PSMD9: variants seen among roughly 807,000 people sequenced by gnomAD.
PSMD9 encodes 26S proteasome non-ATPase regulatory subunit 9.
In PSMD9, 26 loss-of-function variants were observed where a neutral mutation model predicts 25.9. That is an observed-to-expected ratio of 1.00 (90% CI 0.73 to 1.39). The LOEUF is 1.39. Among genes scored for constraint, PSMD9 ranks in the 40% most tolerant of loss-of-function variants. PSMD9 has a pLI of 0.00. For synonymous variants in PSMD9, 110 were observed against 114.5 expected, an observed-to-expected ratio of 0.96 and a Z score of 0.25; for missense variants, 303 against 299.3, an observed-to-expected ratio of 1.01 and a Z score of -0.09.
chr12:121,904,070 T>G (rs1879479324), intron 4 of PSMD9, among the ~76,000 whole-genome samples: 2 of 152,090 alleles, frequency 1.3e-5, no homozygotes, highest in Admixed American at 1.3e-4. Context: ...AACCCATCAG[T>G]GCAGGCCAGG....
At chr12:121,905,371 G>GT (rs1291913344) in intron 4 of PSMD9, among the ~76,000 whole-genome samples, 1 of 150,058 alleles carries the variant, frequency 6.7e-6, no homozygotes, top group African/African-American at 2.5e-5. Context: ...CTACAGGCAT[G>GT]TGCCACCATG....
At chr12:121,901,820 C>T (rs1273222058) in intron 3 of PSMD9, among the ~76,000 whole-genome samples, 3 of 151,948 alleles carry the variant, frequency 2.0e-5, no homozygotes, top group Admixed American at 6.6e-5. Context: ...GGACTACAGG[C>T]GCCTGCCATC....
At chr12:121,915,408 A>C (rs1879867037) in intron 4 of PSMD9, 1 of 154,450 alleles carries the variant, frequency 6.5e-6, no homozygotes, top group Non-Finnish European at 1.4e-5. Context: ...AAAACCCTTC[A>C]TTCTCTGTAC....
chr12:121,889,510 A>G (rs545321559), intron 1 of PSMD9, among the ~76,000 whole-genome samples: 4 of 152,068 alleles, frequency 2.6e-5, no homozygotes, highest in African/African-American at 9.6e-5. Flanking sequence ...GAGCTACTGC[A>G]CCCGGCATTT....
intron 4 of PSMD9, among the ~76,000 whole-genome samples, chr12:121,906,177 ATCTTT>A (rs1190459488): frequency 6.6e-6 from 1 of 151,904 alleles, no homozygotes; most frequent in Non-Finnish European, 1.5e-5. Context: ...AGCAAAATGA[ATCTTT>A]TCTTCATGTG....
chr12:121,905,299 C>T (rs1879521733), intron 4 of PSMD9, among the ~76,000 whole-genome samples: 1 of 147,274 alleles, frequency 6.8e-6, no homozygotes, highest in Non-Finnish European at 1.5e-5. Context: ...GGGGGGGCTA[C>T]TGCAAGCTCT....
intron 1 of PSMD9, among the ~76,000 whole-genome samples, chr12:121,892,649 C>A (rs1213614698): frequency 6.6e-6 from 1 of 151,772 alleles, no homozygotes; most frequent in Non-Finnish European, 1.5e-5. Context: ...TGCAGTGAGC[C>A]AAGATCTCGC....
rs577894350 is a variant in PSMD9, at chr12:121,904,402, G to A, written c.555+1295G>A. ...ATCCTGGCTAACACGGTGAAACCCC[G>A]TCTCTACTAAAAATACAAAAAATTA... On this transcript the variant is annotated intron_variant, in intron 4 of 5. Coordinates refer to ENST00000541212, the MANE Select transcript of PSMD9 (RefSeq NM_002813.7). Among the ~76,000 whole-genome samples the A allele has an allele frequency of 2.0e-3, 296 of 150,256 alleles. 3 individuals are homozygous for A. The highest frequency in any genetic ancestry group is 7.2e-3 in the African/African-American group (291 of 40,680).
intron 1 of PSMD9, among the ~76,000 whole-genome samples, chr12:121,891,015 G>A (rs1026308814): frequency 6.2e-5 from 9 of 145,874 alleles, no homozygotes; most frequent in African/African-American, 2.0e-4. Flanking sequence ...GGGAGGCCAA[G>A]GTGGGTGGAT....
At position 121,888,815 on chromosome 12, in the gene PSMD9, G is replaced by T. The variant is rs758701952; in HGVS notation, c.-42G>T. The T allele has an allele frequency of 1.1e-5, 17 of 1,582,152 alleles. No homozygotes were observed. The highest frequency in any genetic ancestry group is 2.2e-4 in the Middle Eastern group (1 of 4,576). ...ACGGTCGACTGGGGCGTCGTCCCTA[G>T]CCCGGGAGCCGGGTCTCTGGAGTCG... is the stretch of plus-strand genomic sequence containing the variant. On this transcript the variant is annotated 5_prime_UTR_variant, in exon 1 of 6. Transcript: ENST00000541212.
At chr12:121,911,121 C>G in intron 4 of PSMD9, 2 of 393,658 alleles carry the variant, frequency 5.1e-6, no homozygotes, top group Non-Finnish European at 1.0e-5. Context: ...CTCACTGCAC[C>G]CTCCACCTCC....
chr12:121,912,013 A>G (rs1248062733), intron 4 of PSMD9, among the ~76,000 whole-genome samples: 1 of 75,642 alleles, frequency 1.3e-5, no homozygotes. Flanking sequence ...TTGCTTATTT[A>G]TTTATTTATT....
At chr12:121,912,592 G>A (rs1220207875) in intron 4 of PSMD9, among the ~76,000 whole-genome samples, 1 of 152,012 alleles carries the variant, frequency 6.6e-6, no homozygotes, top group African/African-American at 2.4e-5. Flanking sequence ...TAGGCTGGGC[G>A]CTGTGTCTCA....
chr12:121,895,795 A>G (rs1441688212), intron 2 of PSMD9, among the ~76,000 whole-genome samples: 1 of 152,124 alleles, frequency 6.6e-6, no homozygotes, highest in Non-Finnish European at 1.5e-5. Context: ...GTCCTTAATC[A>G]CATCTGCAGA....
chr12:121,903,177 T>C, intron 4 of PSMD9, 70 bp downstream of exon 4: 2 of 1,335,324 alleles, frequency 1.5e-6, no homozygotes, highest in Non-Finnish European at 2.1e-6. Context: ...CTGCGTGGCT[T>C]ACAAACAACA....
intron 3 of PSMD9, among the ~76,000 whole-genome samples, chr12:121,900,244 C>G (rs1274059393): frequency 6.6e-6 from 1 of 152,156 alleles, no homozygotes; most frequent in Non-Finnish European, 1.5e-5. Context: ...CACAGTGGCT[C>G]ATGCGTGTAA....
At chr12:121,912,743 G>A (rs906428113) in intron 4 of PSMD9, among the ~76,000 whole-genome samples, 2 of 151,440 alleles carry the variant, frequency 1.3e-5, no homozygotes, top group East Asian at 4.0e-4. Context: ...GATTGTGCCT[G>A]TAGTCACAGC....
intron 1 of PSMD9, chr12:121,893,831 G>C (rs977470597): frequency 2.6e-5 from 4 of 152,312 alleles, no homozygotes; most frequent in African/African-American, 4.8e-5. Context: ...CTGGGGGTTA[G>C]CTCGTGGTTA....
intron 4 of PSMD9, chr12:121,911,089 G>T: frequency 2.3e-6 from 1 of 434,192 alleles, no homozygotes; most frequent in Non-Finnish European, 4.6e-6. Context: ...GCCCAGGCTG[G>T]AGTGCAGTGG....
Sources: gnomAD v4.1 joint callset for allele counts (sites outside exome capture counted in the v4.1 genomes callset) on GRCh38, gnomAD v4.1.1 for gene constraint, MANE v1.5 for transcripts, NCBI Gene and HGNC (gene_info 2026-07-23, HGNC 2026-07-21) for gene names.